The following MYH4 variants were observed in gnomAD, a reference collection of about 807,000 sequenced individuals.
The protein encoded by MYH4 is myosin heavy chain 4.
A neutral mutation model predicts 229.9 loss-of-function variants in MYH4; 200 were observed. The ratio of observed to expected loss-of-function variants is 0.87; its 90% CI spans 0.78 to 0.98. The LOEUF is 0.98. Among genes scored for constraint, MYH4 ranks in the 50% least tolerant of loss-of-function variants. MYH4 has a pLI of 0.00. For missense variants in MYH4, 2,148 were observed against 2,332.6 expected (o/e 0.92, Z 1.63); for synonymous variants, 761 against 834.6 (o/e 0.91, Z 1.52).
chr17:10,452,811 T>C lies in MYH4; in HGVS notation c.3233A>G (p.Gln1078Arg). The change falls in exon 25 of 40, where the codon CAG becomes CGG. Residue 1078 changes from glutamine to arginine, a missense_variant. Transcript: ENST00000255381. The stretch of plus-strand genomic sequence containing the variant: ...CTTTTTGAGTTTCTCATTAAGTTGC[T>C]GTTTGTCATTTTCTGTATCCATTGT... ...ESTMDTENDK[Q>R]QLNEKLKKKE... 1.2e-6 allele frequency: 2 copies of C among 1,606,850 alleles called. No homozygotes were observed. The highest frequency in any genetic ancestry group is 1.7e-5 in the Admixed American group (1 of 58,030).
At chr17:10,445,658 C>T (rs1422543485) in intron 35 of MYH4, among the ~76,000 whole-genome samples, 4 of 152,126 alleles carry the variant, frequency 2.6e-5, no homozygotes, top group Admixed American at 2.6e-4. Context: ...CACCACACCA[C>T]AGCTCATTTA....
In MYH4 at chr17:10,448,142, A is replaced by G; in HGVS notation, c.4657-16T>C. 1 of 1,592,470 alleles carries G rather than the reference A, an allele frequency of 6.3e-7. No individual in the cohort carries two copies. The highest frequency in any genetic ancestry group is 2.2e-5 in the East Asian group (1 of 44,708). ...CAAGAGATGCCTTAATAAAAGCAAC[A>G]TTTATTTAGGTTACCTAAAGAGCTT... On this transcript the variant is annotated splice_polypyrimidine_tract_variant and intron_variant, in intron 33 of 39. Coordinates refer to ENST00000255381, the MANE Select transcript of MYH4 (RefSeq NM_017533.2).
At chr17:10,449,741 TA>T (rs1397316454) in intron 30 of MYH4, among the ~76,000 whole-genome samples, 1 of 152,210 alleles carries the variant, frequency 6.6e-6, no homozygotes, top group African/African-American at 2.4e-5. Context: ...AAATTTCCTC[TA>T]AAATCTTGTC....
At chr17:10,456,006 G>T (rs1055719894) in intron 17 of MYH4, 105 bp from the exon 18 acceptor site, 3 of 1,388,268 alleles carry the variant, frequency 2.2e-6, no homozygotes, top group Admixed American at 1.9e-5. Context: ...GCTGTCTCAA[G>T]GAAAAACAAA....
rs1308814795 is a variant in MYH4 at position 10,465,774 on chromosome 17, T to TC, written c.349-177_349-176insG. Among the ~76,000 whole-genome samples, 20 of 136,862 alleles carry TC rather than the reference T, an allele frequency of 1.5e-4. No homozygotes were observed. In the East Asian group the frequency reaches 2.2e-3, roughly 15 times the overall value. 89.8% of individuals were successfully genotyped at this position (136,862 alleles called of 152,430 possible). A position where few individuals can be genotyped will look rare whatever the true frequency, so the allele number is the denominator to read the frequency against. On this transcript the variant is annotated intron_variant, in intron 4 of 39. Coordinates refer to ENST00000255381, the MANE Select transcript of MYH4 (RefSeq NM_017533.2). ...GCACAAAATGCTTCAGTTTTTCTTTTTTTTTTTTTTTTTTTTTTGAGACGG... is the reference window on the plus strand; with the variant it reads ...GCACAAAATGCTTCAGTTTTTCTTTTCTTTTTTTTTTTTTTTTTTGAGACGG...
At chr17:10,446,660 G>A (rs1269259923) in intron 35 of MYH4, among the ~76,000 whole-genome samples, 2 of 152,168 alleles carry the variant, frequency 1.3e-5, no homozygotes, top group African/African-American at 4.8e-5. Flanking sequence ...ATATTATTTA[G>A]TGGCTTTTTG....
Position 10,448,526 on chromosome 17 carries a change from A to G in MYH4, c.4532-6T>C, listed in dbSNP as rs1466058934. On this transcript the variant is annotated splice_region_variant and splice_polypyrimidine_tract_variant and intron_variant, in intron 32 of 39. Coordinates refer to ENST00000255381, the MANE Select transcript of MYH4 (RefSeq NM_017533.2). ...TGTCAGGTCAGAAATCTCCTCTGTA[A>G]TAATAAAGTACCAAATTTCAGTTAA... 1 of 1,611,926 alleles carries G rather than the reference A, an allele frequency of 6.2e-7. No homozygotes were observed. The highest frequency in any genetic ancestry group is 1.3e-5 in the African/African-American group (1 of 74,646).
At chr17:10,455,947 G>C (rs750206309) in intron 17 of MYH4, 46 bp from the exon 18 acceptor site, 1 of 1,605,518 alleles carries the variant, frequency 6.2e-7, no homozygotes, top group Non-Finnish European at 8.5e-7. Context: ...TAGTTGCATC[G>C]ACATGAGAGT....
chr17:10,465,148 AAATTTAATT>A (rs368386905), intron 5 of MYH4, among the ~76,000 whole-genome samples: 22 of 152,332 alleles, frequency 1.4e-4, no homozygotes, highest in African/African-American at 5.1e-4. Context: ...GTTGATGCCT[AAATTTAATT>A]AATTTTGAGG....
chr17:10,455,347 C>A lies in MYH4; in HGVS notation c.2175-52G>T, dbSNP rs750474984. ...TGTGGTTTTTCTTCACTGAAAAAAA[C>A]AGTAGAACATTTGGTAGCTATCATT... On this transcript the variant is annotated intron_variant, in intron 19 of 39. Coordinates refer to ENST00000255381, the MANE Select transcript of MYH4 (RefSeq NM_017533.2). The A allele has an allele frequency of 3.2e-6, 5 of 1,553,708 alleles. No individual in the cohort carries two copies. In the South Asian group the frequency reaches 3.6e-5, roughly 11 times the overall value.
chr17:10,446,899 C>G, intron 35 of MYH4, 114 bp downstream of exon 35: 1 of 1,072,516 alleles, frequency 9.3e-7, no homozygotes, highest in Non-Finnish European at 1.3e-6. Flanking sequence ...TGTACATTTT[C>G]CAGAGCTCCA....
rs138081467 is a variant in MYH4, at chr17:10,457,780, G to A, written c.1588-51C>T. ...AATGATGAGTCCCTCAGAAAGTTAT[G>A]CTCCATGTAATTGATGGAAAACTGA... On this transcript the variant is annotated intron_variant, in intron 15 of 39. Transcript: ENST00000255381. 10,832 of 1,551,600 alleles carry A rather than the reference G, an allele frequency of 7.0e-3. 71 individuals are homozygous for A. Among genetic ancestry groups the A allele is most frequent in the Middle Eastern group, 0.013 (74 of 5,776 alleles).
At chr17:10,467,633 C>T (rs1303979189) in intron 2 of MYH4, among the ~76,000 whole-genome samples, 2 of 152,162 alleles carry the variant, frequency 1.3e-5, no homozygotes, top group Non-Finnish European at 2.9e-5. Flanking sequence ...TTCAACCTAA[C>T]ATATTTTAAA....
chr17:10,459,842 CA>C, intron 14 of MYH4, 109 bp downstream of exon 14: 1 of 1,586,630 alleles, frequency 6.3e-7, no homozygotes, highest in African/African-American at 1.3e-5. Flanking sequence ...AGACTCCTTT[CA>C]GTAGGAATTA....
chr17:10,462,865 A>G lies in MYH4; in HGVS notation c.1008T>C (p.Asp336=). Residue 336 remains aspartate, a splice_region_variant and synonymous_variant, in exon 11 of 40, where the codon GAT becomes GAC. Coordinates refer to ENST00000255381, the MANE Select transcript of MYH4 (RefSeq NM_017533.2). ...IDDQEELMAT[D]SAVDILGFTA... is the part of the protein sequence containing the mutation. ...TTACTACTTTGTACCTATTACTTAC[A>G]TCTGTGGCCATCAGCTCTTCCTGGT... 6.2e-7 allele frequency: 1 copy of G among 1,612,016 alleles called. No homozygotes were observed. Among genetic ancestry groups the G allele is most frequent in the Non-Finnish European group, 8.5e-7 (1 of 1,178,570 alleles).
intron 34 of MYH4, 90 bp from the exon 35 acceptor site, chr17:10,447,306 T>TTAGA (rs2072523012): frequency 4.3e-6 from 5 of 1,153,094 alleles, no homozygotes; most frequent in Admixed American, 2.3e-5. Flanking sequence ...TCTTAATGAC[T>TTAGA]TAGAGTATGA....
chr17:10,466,434 A>C lies in MYH4; in HGVS notation c.205-18T>G. 1 of 1,613,292 alleles carries C rather than the reference A, an allele frequency of 6.2e-7. No homozygotes were observed. The highest frequency in any genetic ancestry group is 1.1e-5 in the South Asian group (1 of 90,898). On this transcript the variant is annotated intron_variant, in intron 3 of 39. Coordinates refer to ENST00000255381, the MANE Select transcript of MYH4 (RefSeq NM_017533.2). ...GTTACAGTCTGTTAAGAAAAGAAAA[A>C]ACAAGTGCATATCAAATAAGTAGCA...
At position 10,457,795 on chromosome 17, in the gene MYH4, T is replaced by C. The variant is rs571486051; in HGVS notation, c.1588-66A>G. ...AGAAAGTTATGCTCCATGTAATTGA[T>C]GGAAAACTGAAAATACAATGTTTCA... On this transcript the variant is annotated intron_variant, in intron 15 of 39. Transcript: ENST00000255381. 5 of 1,514,690 alleles carry C rather than the reference T, an allele frequency of 3.3e-6. No individual in the cohort carries two copies. In the South Asian group the frequency reaches 5.2e-5, roughly 16 times the overall value. 93.8% of individuals were successfully genotyped at this position (1,514,690 alleles called of 1,614,324 possible).
chr17:10,448,186 T>G, intron 33 of MYH4, 60 bp from the exon 34 acceptor site: 1 of 1,488,238 alleles, frequency 6.7e-7, no homozygotes. Flanking sequence ...TTTCACATTA[T>G]GATAATTTCC....
Sources: allele counts gnomAD v4.1 joint callset (sites outside exome capture counted in the v4.1 genomes callset), GRCh38; gene constraint gnomAD v4.1.1; transcripts MANE v1.5; gene names NCBI Gene and HGNC (gene_info 2026-07-23, HGNC 2026-07-21).